Variants in NXN observed in about 807,000 individuals in gnomAD.
The protein encoded by NXN is nucleoredoxin 1.
A neutral mutation model predicts 48.6 loss-of-function variants in NXN; 16 were observed. The observed-to-expected ratio is 0.33, with a 90% CI of 0.22 to 0.50. NXN has a LOEUF of 0.50. Ranked by LOEUF, NXN falls within the 20% of genes least tolerant of loss-of-function variation. NXN has a pLI of 0.98. For synonymous variants in NXN, 281 were observed against 269.6 expected (o/e 1.04, Z -0.41); for missense variants, 492 against 605.5 (o/e 0.81, Z 1.97).
At chr17:833,018 G>T (rs952252042) in intron 1 of NXN, among the ~76,000 whole-genome samples, 4 of 152,040 alleles carry the variant, frequency 2.6e-5, no homozygotes, top group Non-Finnish European at 5.9e-5. Flanking sequence ...AGCCTCCCGA[G>T]TAGCTGGGAC....
At chr17:895,639 C>G (rs374142602) in intron 1 of NXN, among the ~76,000 whole-genome samples, 4 of 112,282 alleles carry the variant, frequency 3.6e-5, no homozygotes, top group Non-Finnish European at 7.3e-5. Flanking sequence ...GGTGAAACCC[C>G]GTCTCTACTT....
intron 7 of NXN, among the ~76,000 whole-genome samples, chr17:802,969 G>A (rs1374446784): frequency 6.6e-6 from 1 of 151,698 alleles, no homozygotes. Context: ...AGGTGGCAGC[G>A]CAGGCATGGA....
chr17:870,051 A>G (rs1178984758), intron 1 of NXN, among the ~76,000 whole-genome samples: 2 of 152,070 alleles, frequency 1.3e-5, no homozygotes, highest in African/African-American at 4.8e-5. Context: ...TGCGGGGTGG[A>G]GTGTTACTGA....
chr17:966,396 G>A (rs145313561), intron 1 of NXN, among the ~76,000 whole-genome samples: 2 of 151,850 alleles, frequency 1.3e-5, no homozygotes, highest in Non-Finnish European at 2.9e-5. Flanking sequence ...TACCCAGGCC[G>A]GAGCGCAGTG....
chr17:812,689 CAT>C (rs955058687), intron 5 of NXN, among the ~76,000 whole-genome samples: 7 of 106,342 alleles, frequency 6.6e-5, no homozygotes, highest in South Asian at 3.0e-4. Context: ...GGTGTGTGCA[CAT>C]ATGAATGTAG....
chr17:979,253 T>TG (rs2069505174), intron 1 of NXN, 66 bp downstream of exon 1: 1 of 742,602 alleles, frequency 1.3e-6, no homozygotes, highest in Non-Finnish European at 1.6e-6. Context: ...GTAACGGGCG[T>TG]GGGGGGCGGG....
chr17:835,275 T>A (rs1290369494), intron 1 of NXN, among the ~76,000 whole-genome samples: 1 of 144,302 alleles, frequency 6.9e-6, no homozygotes, highest in Non-Finnish European at 1.5e-5. Context: ...GCCACTGCAC[T>A]CCAGCCTGGA....
intron 1 of NXN, among the ~76,000 whole-genome samples, chr17:963,018 C>T (rs913138631): frequency 6.7e-6 from 1 of 149,614 alleles, no homozygotes; most frequent in Non-Finnish European, 1.5e-5. Flanking sequence ...GGATTCTGTT[C>T]CTTGTCTCTA....
intron 1 of NXN, among the ~76,000 whole-genome samples, chr17:828,122 T>A (rs996169354): frequency 6.6e-6 from 1 of 152,038 alleles, no homozygotes; most frequent in Non-Finnish European, 1.5e-5. Context: ...TGGTTTTTTT[T>A]AAACAGAATC....
At chr17:953,685 G>A (rs532539534) in intron 1 of NXN, among the ~76,000 whole-genome samples, 3 of 152,316 alleles carry the variant, frequency 2.0e-5, no homozygotes, top group South Asian at 2.1e-4. Context: ...GTGAGACAGA[G>A]GCTCGTATCT....
chr17:903,682 CT>C (rs2068557276), intron 1 of NXN, among the ~76,000 whole-genome samples: 2 of 152,210 alleles, frequency 1.3e-5, no homozygotes, highest in African/African-American at 4.8e-5. Context: ...GACACCCAGC[CT>C]CTGCTACAAG....
intron 1 of NXN, among the ~76,000 whole-genome samples, chr17:976,811 G>T (rs1052659561): frequency 6.7e-6 from 1 of 149,390 alleles, no homozygotes; most frequent in Non-Finnish European, 1.5e-5. Context: ...TTGTTGCCCA[G>T]ACTGGGGTGC....
chr17:839,653 T>A (rs557150291), intron 1 of NXN, among the ~76,000 whole-genome samples: 4 of 148,284 alleles, frequency 2.7e-5, no homozygotes, highest in African/African-American at 1.0e-4. Context: ...TAAAAAAAAA[T>A]TAGCCTGGCA....
chr17:872,614 T>C (rs2068169383), intron 1 of NXN, among the ~76,000 whole-genome samples: 7 of 45,102 alleles, frequency 1.6e-4, no homozygotes, highest in Admixed American at 1.2e-3. Flanking sequence ...GGGTGAGATC[T>C]TTTTTTTTTT....
intron 1 of NXN, among the ~76,000 whole-genome samples, chr17:862,379 G>C (rs1451057573): frequency 8.5e-5 from 13 of 152,164 alleles, no homozygotes; most frequent in Non-Finnish European, 1.6e-4. Flanking sequence ...TAAAACTTAG[G>C]TGGGTGTGGT....
At chr17:805,415 G>A (rs748055494) in intron 5 of NXN, among the ~76,000 whole-genome samples, 168 bp from the exon 6 acceptor site, 10 of 152,174 alleles carry the variant, frequency 6.6e-5, no homozygotes, top group African/African-American at 1.2e-4. Context: ...AAAGCCTGGG[G>A]AGAATCCAGG....
At chr17:841,470 G>T (rs75963735) in intron 1 of NXN, among the ~76,000 whole-genome samples, 666 of 37,974 alleles carry the variant, frequency 0.018, 16 homozygotes, top group Middle Eastern at 0.12. Flanking sequence ...CATCTCACAC[G>T]GGCGAGCAGG....
intron 1 of NXN, among the ~76,000 whole-genome samples, chr17:954,436 G>A (rs2069144564): frequency 1.3e-5 from 2 of 152,312 alleles, no homozygotes; most frequent in East Asian, 1.9e-4. Flanking sequence ...ATTCTCTCTC[G>A]AGTCAAGTGG....
intron 1 of NXN, among the ~76,000 whole-genome samples, chr17:945,166 C>G (rs1240595515): frequency 2.0e-5 from 3 of 152,024 alleles, no homozygotes; most frequent in African/African-American, 7.2e-5. Flanking sequence ...ACTGTAACCT[C>G]CGCCTCCCGG....
Sources: gnomAD v4.1 joint callset for allele counts (sites outside exome capture counted in the v4.1 genomes callset) on GRCh38, gnomAD v4.1.1 for gene constraint, MANE v1.5 for transcripts, NCBI Gene and HGNC (gene_info 2026-07-23, HGNC 2026-07-21) for gene names.